The following CLIC3 variants were observed in gnomAD, a reference collection of about 807,000 sequenced individuals.
CLIC3 encodes chloride intracellular channel protein 3.
Under a neutral mutation model 19.9 loss-of-function variants are expected in CLIC3, and 29 were observed. The observed-to-expected ratio is 1.46, with a 90% CI of 1.09 to 1.99. CLIC3 has a LOEUF of 1.99. Ranked by LOEUF, CLIC3 falls within the 30% of genes most tolerant of loss-of-function variation. The pLI is 0.00. For synonymous variants in CLIC3, 143 were observed against 156.4 expected, an observed-to-expected ratio of 0.91 and a Z score of 0.64; for missense variants, 365 against 342.6, an observed-to-expected ratio of 1.07 and a Z score of -0.52.
rs201523771 is a variant in CLIC3 at position 136,995,663 on chromosome 9, G to A, written c.128C>T (p.Thr43Met). Reference protein sequence around the residue: ...LLKGVPFTLTTVDTRRSPDVL... With the variant: ...LLKGVPFTLTMVDTRRSPDVL... The stretch of plus-strand genomic sequence containing the variant: ...GGGGCCTCACCTGCGCGTGTCCACC[G>A]TGGTGAGGGTGAAAGGTACGCCCTT... The change falls in exon 2 of 6, where the codon ACG becomes ATG. Residue 43 changes from threonine (T) to methionine (M), a missense_variant. Thr to Met is a moderately conservative substitution (Grantham distance 81). Transcript: ENST00000494426. 2.5e-6 allele frequency: 4 copies of A among 1,610,750 alleles called. No homozygotes were observed. Among genetic ancestry groups the A allele is most frequent in the South Asian group, 1.1e-5 (1 of 90,846 alleles).
intron 1 of CLIC3, 26 bp from the exon 2 acceptor site, chr9:136,995,783 G>A (rs770762522): frequency 6.9e-7 from 1 of 1,457,742 alleles, no homozygotes; most frequent in Non-Finnish European, 9.3e-7. Flanking sequence ...GGGGGTGGGG[G>A]GTCAGGGCTG....
rs1434751506 is a variant in CLIC3 at position 136,995,012 on chromosome 9, C to G, written c.470G>C (p.Arg157Pro). 1 of 1,507,752 alleles carries G rather than the reference C, an allele frequency of 6.6e-7. No homozygotes were observed. Among genetic ancestry groups the G allele is most frequent in the Non-Finnish European group, 8.8e-7 (1 of 1,133,770 alleles). 93.4% of individuals were successfully genotyped at this position (1,507,752 alleles called of 1,614,324 possible). A position where few individuals can be genotyped will look rare whatever the true frequency, so the allele number is the denominator to read the frequency against. ...EHELAGEPQL[R>P]ESRRRFLDGD... ...GTCCAGGAAGCGGCGGCGGGACTCGCGCAGCTGCGGCTCCCCCGCCAGCTC... is the reference window on the plus strand; with the variant it reads ...GTCCAGGAAGCGGCGGCGGGACTCGGGCAGCTGCGGCTCCCCCGCCAGCTC... The change falls in exon 5 of 6, where the codon CGC (arginine) becomes CCC (proline). Residue 157 changes from arginine to proline, a missense_variant. Physicochemically the swap from Arg to Pro is moderately radical, Grantham distance 103. Transcript: ENST00000494426.
Position 136,995,057 on chromosome 9 carries a change from A to G in CLIC3, c.425T>C (p.Leu142Pro), listed in dbSNP as rs755773085. The G allele has an allele frequency of 7.4e-5, 112 of 1,515,992 alleles. No homozygotes were observed. The highest frequency in any genetic ancestry group is 9.8e-5 in the Non-Finnish European group (111 of 1,133,224). The allele number at this position is 1,515,992 out of a possible 1,614,324, so 93.9% of individuals were successfully genotyped here. Residue 142 changes from leucine to proline, a missense_variant, in exon 5 of 6, where the codon CTG becomes CCG. By Grantham distance (98) the Leu-to-Pro change is moderately conservative. Transcript: ENST00000494426. ...LRALARLDSYLRAPLEHELAG... is the reference protein window; with the variant it reads ...LRALARLDSYPRAPLEHELAG... ...CAGCTCGTGCTCCAGGGGCGCGCGC[A>G]GGTAGCTGTCCAGCCTGGCGAGGGC...
intron 1 of CLIC3, 25 bp from the exon 2 acceptor site, chr9:136,995,782 G>A (rs1830696484): frequency 1.4e-6 from 2 of 1,470,846 alleles, no homozygotes; most frequent in Non-Finnish European, 9.2e-7. Context: ...CGGGGGTGGG[G>A]GGTCAGGGCT....
At chr9:136,995,365 G>A (rs1034959369) in intron 3 of CLIC3, 73 bp from the exon 4 acceptor site, 2 of 1,608,766 alleles carry the variant, frequency 1.2e-6, no homozygotes, top group African/African-American at 2.7e-5. Flanking sequence ...CCCCCACAGC[G>A]CCTTCCTGGG....
chr9:136,994,856 G>C lies in CLIC3; in HGVS notation c.553-17C>G, dbSNP rs770420749. ...GCACACCGTCTGCGGGCAGGATCGC[G>C]GGGCGCGGTCAGGACCTGCCGTCCC... On this transcript the variant is annotated splice_polypyrimidine_tract_variant and intron_variant, in intron 5 of 5. Coordinates refer to ENST00000494426, the MANE Select transcript of CLIC3 (RefSeq NM_004669.3). The C allele has an allele frequency of 4.2e-4, 649 of 1,530,856 alleles. No individual in the cohort carries two copies. The highest frequency in any genetic ancestry group is 5.4e-4 in the Non-Finnish European group (611 of 1,141,312). 94.8% of individuals were successfully genotyped at this position (1,530,856 alleles called of 1,614,324 possible).
intron 1 of CLIC3, among the ~76,000 whole-genome samples, 192 bp downstream of exon 1, chr9:136,996,319 G>A (rs1178674028): frequency 6.6e-6 from 1 of 152,168 alleles, no homozygotes; most frequent in African/African-American, 2.4e-5. Flanking sequence ...CAGGGCCACT[G>A]ACCCCTCTCT....
At chr9:136,995,989 C>T (rs948245802) in intron 1 of CLIC3, among the ~76,000 whole-genome samples, 6 of 152,172 alleles carry the variant, frequency 3.9e-5, no homozygotes, top group Non-Finnish European at 8.8e-5. Flanking sequence ...CAGGCTTGGC[C>T]CCTGGAATCT....
chr9:136,994,833 A>G lies in CLIC3; in HGVS notation c.559T>C (p.Cys187Arg). Residue 187 changes from cysteine to arginine, a missense_variant, in exon 6 of 6, where the codon TGC becomes CGC. Transcript: ENST00000494426. ...LPKLHIVDTV[C>R]AHFRQAPIPA... The stretch of plus-strand genomic sequence containing the variant: ...ATGGGCGCCTGGCGGAAGTGCGCGC[A>G]CACCGTCTGCGGGCAGGATCGCGGG... 4.5e-6 allele frequency: 7 copies of G among 1,562,220 alleles called. No individual in the cohort carries two copies. Among genetic ancestry groups the G allele is most frequent in the Non-Finnish European group, 6.1e-6 (7 of 1,155,332 alleles).
rs751362930 is a variant in CLIC3, at chr9:136,995,437, C to T, written c.269+5G>A. 6.2e-7 allele frequency: 1 copy of T among 1,612,300 alleles called. No homozygotes were observed. Among genetic ancestry groups the T allele is most frequent in the Non-Finnish European group, 8.5e-7 (1 of 1,179,716 alleles). Reference sequence around the variant, plus strand: ...TTTCCCCTCCCACCCTGCCGGGGCTCTCACTCGGGCGGCCCCAGCGTCTCC... The same window carrying T: ...TTTCCCCTCCCACCCTGCCGGGGCTTTCACTCGGGCGGCCCCAGCGTCTCC... On this transcript the variant is annotated splice_donor_5th_base_variant and intron_variant, in intron 3 of 5. Coordinates refer to ENST00000494426, the MANE Select transcript of CLIC3 (RefSeq NM_004669.3).
Position 136,996,557 on chromosome 9 carries a change from G to C in CLIC3, c.-14C>G, listed in dbSNP as rs540501501. 1.9e-6 allele frequency: 3 copies of C among 1,552,126 alleles called. No homozygotes were observed. In the African/African-American group the frequency reaches 4.1e-5, roughly 21 times the overall value. Reference sequence around the variant, plus strand: ...GGTCTCCGCCATGGTGGGAGCTGCCGCGGTCAGGCGCGGGTGGGGACCTGG... The same window carrying C: ...GGTCTCCGCCATGGTGGGAGCTGCCCCGGTCAGGCGCGGGTGGGGACCTGG... On this transcript the variant is annotated 5_prime_UTR_variant, in exon 1 of 6. Transcript: ENST00000494426.
rs1588496748 is a variant in CLIC3, at chr9:136,995,108, A to G, written c.377-3T>C. The G allele has an allele frequency of 6.4e-7, 1 of 1,557,064 alleles. No individual in the cohort carries two copies. The highest frequency in any genetic ancestry group is 8.7e-7 in the Non-Finnish European group (1 of 1,151,704). Reference sequence around the variant, plus strand: ...GCGCAGCAGCTGCTGGTACAGGGCTAGGGGGCAGGCGGCGCGGTGAGGACC... The same window carrying G: ...GCGCAGCAGCTGCTGGTACAGGGCTGGGGGGCAGGCGGCGCGGTGAGGACC... On this transcript the variant is annotated splice_polypyrimidine_tract_variant and splice_region_variant and intron_variant, in intron 4 of 5. Transcript: ENST00000494426.
At position 136,994,799 on chromosome 9, in the gene CLIC3, T is replaced by C; in HGVS notation, c.593A>G (p.Glu198Gly). Residue 198 changes from glutamate to glycine, a missense_variant, in exon 6 of 6, where the codon GAG becomes GGG. Physicochemically the swap from Glu to Gly is moderately conservative, Grantham distance 98. Transcript: ENST00000494426. ...AHFRQAPIPA[E>G]LRGVRRYLDS... ...CAGGTAGCGGCGTACGCCGCGCAGCTCCGCGGGGATGGGCGCCTGGCGGAA... is the reference window on the plus strand; with the variant it reads ...CAGGTAGCGGCGTACGCCGCGCAGCCCCGCGGGGATGGGCGCCTGGCGGAA... 4 of 1,589,774 alleles carry C rather than the reference T, an allele frequency of 2.5e-6. No homozygotes were observed. The highest frequency in any genetic ancestry group is 3.4e-6 in the Non-Finnish European group (4 of 1,169,008).
Position 136,995,084 on chromosome 9 carries a change from C to A in CLIC3, c.398G>T (p.Arg133Leu). Residue 133 changes from arginine to leucine, a missense_variant, in exon 5 of 6, where the codon CGC becomes CTC. Coordinates refer to ENST00000494426, the MANE Select transcript of CLIC3 (RefSeq NM_004669.3). ...QDEALYQQLL[R>L]ALARLDSYLR... ...GTAGCTGTCCAGCCTGGCGAGGGCG[C>A]GCAGCAGCTGCTGGTACAGGGCTAG... 1 of 1,522,470 alleles carries A rather than the reference C, an allele frequency of 6.6e-7. No homozygotes were observed. The highest frequency in any genetic ancestry group is 8.8e-7 in the Non-Finnish European group (1 of 1,133,050). The allele number at this position is 1,522,470 out of a possible 1,614,324, so 94.3% of individuals were successfully genotyped here. A position where few individuals can be genotyped will look rare whatever the true frequency, so the allele number is the denominator to read the frequency against.
At chr9:136,995,400 G>A in intron 3 of CLIC3, 42 bp downstream of exon 3, 1 of 1,610,662 alleles carries the variant, frequency 6.2e-7, no homozygotes. Flanking sequence ...CGTCCTCCCT[G>A]GGCCCCCCTC....
intron 1 of CLIC3, among the ~76,000 whole-genome samples, chr9:136,996,150 C>A (rs1830701896): frequency 6.6e-6 from 1 of 152,310 alleles, no homozygotes; most frequent in East Asian, 1.9e-4. Flanking sequence ...CACCCCAGTC[C>A]CCGACCTGAG....
chr9:136,995,849 A>T, intron 1 of CLIC3, 92 bp from the exon 2 acceptor site: 1 of 869,562 alleles, frequency 1.2e-6, no homozygotes, highest in Non-Finnish European at 1.8e-6. Flanking sequence ...TCCCACTGCC[A>T]GTGGGATTGG....
intron 5 of CLIC3, 35 bp from the exon 6 acceptor site, chr9:136,994,874 G>A: frequency 6.7e-7 from 1 of 1,496,554 alleles, no homozygotes; most frequent in Non-Finnish European, 8.9e-7. Flanking sequence ...GTCAGGACCT[G>A]CCGTCCCCCA....
chr9:136,995,670 G>T lies in CLIC3; in HGVS notation c.121C>A (p.Leu41Ile), dbSNP rs757374146. Residue 41 changes from leucine to isoleucine, a missense_variant, in exon 2 of 6, where the codon CTC becomes ATC. Transcript: ENST00000494426. Reference protein sequence around the residue: ...VLLLKGVPFTLTTVDTRRSPD... With the variant: ...VLLLKGVPFTITTVDTRRSPD... ...CACCTGCGCGTGTCCACCGTGGTGA[G>T]GGTGAAAGGTACGCCCTTGAGGAGC... 1.2e-6 allele frequency: 2 copies of T among 1,610,576 alleles called. No individual in the cohort carries two copies. The highest frequency in any genetic ancestry group is 3.4e-5 in the Admixed American group (2 of 59,606).
Sources: allele counts gnomAD v4.1 joint callset (sites outside exome capture counted in the v4.1 genomes callset), GRCh38; gene constraint gnomAD v4.1.1; transcripts MANE v1.5; gene names NCBI Gene and HGNC (gene_info 2026-07-23, HGNC 2026-07-21).